The following SLC39A11 variants were observed in gnomAD, a reference collection of about 807,000 sequenced individuals.
SLC39A11 encodes solute carrier family 39 member 11, also known as zinc transporter ZIP11.
In SLC39A11, 33 loss-of-function variants were observed where a neutral mutation model predicts 36.1. The ratio of observed to expected loss-of-function variants is 0.91; its 90% CI spans 0.69 to 1.22. SLC39A11 has a LOEUF of 1.22. Ranked by LOEUF, SLC39A11 falls within the 50% of genes most tolerant of loss-of-function variation. SLC39A11 has a pLI of 0.00. For missense variants in SLC39A11, 432 were observed against 430.3 expected (o/e 1.00, Z -0.03); for synonymous variants, 166 against 170.3 (o/e 0.97, Z 0.20).
At chr17:73,032,724 T>G (rs755995541) in intron 3 of SLC39A11, among the ~76,000 whole-genome samples, 1 of 152,170 alleles carries the variant, frequency 6.6e-6, no homozygotes, top group Admixed American at 6.5e-5. Context: ...CTCTGAAATA[T>G]CTGAAGATAA....
chr17:72,770,753 T>C (rs1474249259), intron 6 of SLC39A11, among the ~76,000 whole-genome samples: 1 of 152,212 alleles, frequency 6.6e-6, no homozygotes, highest in African/African-American at 2.4e-5. Flanking sequence ...AACAAGCACA[T>C]TTAGAACCAG....
At chr17:73,000,736 G>GT (rs2089774625) in intron 4 of SLC39A11, among the ~76,000 whole-genome samples, 1 of 152,264 alleles carries the variant, frequency 6.6e-6, no homozygotes, top group Non-Finnish European at 1.5e-5. Flanking sequence ...GCCAACTGAA[G>GT]TTTTTTAAAA....
intron 5 of SLC39A11, among the ~76,000 whole-genome samples, chr17:72,867,457 G>T (rs552114613): frequency 1.3e-5 from 2 of 152,082 alleles, no homozygotes; most frequent in African/African-American, 4.8e-5. Context: ...CTGAGATCGC[G>T]CCACTGTACT....
At chr17:72,996,771 T>C (rs1215043207) in intron 4 of SLC39A11, among the ~76,000 whole-genome samples, 1 of 152,184 alleles carries the variant, frequency 6.6e-6, no homozygotes, top group Non-Finnish European at 1.5e-5. Flanking sequence ...ACATATATTT[T>C]GGGAGACACT....
intron 7 of SLC39A11, among the ~76,000 whole-genome samples, chr17:72,658,908 C>T (rs1426894841): frequency 5.3e-5 from 8 of 152,132 alleles, no homozygotes; most frequent in Admixed American, 3.9e-4. Flanking sequence ...TAAAACTGCC[C>T]GAGGCTGCTG....
At chr17:72,928,085 C>G (rs576476949) in intron 5 of SLC39A11, among the ~76,000 whole-genome samples, 1 of 152,264 alleles carries the variant, frequency 6.6e-6, no homozygotes, top group South Asian at 2.1e-4. Context: ...GATCCCAGGC[C>G]TAACGATTGG....
chr17:73,058,486 G>T (rs1171699824), intron 3 of SLC39A11, among the ~76,000 whole-genome samples: 1 of 152,100 alleles, frequency 6.6e-6, no homozygotes, highest in Non-Finnish European at 1.5e-5. Context: ...ACTTTTGCAG[G>T]CCCAGACGGG....
chr17:72,712,471 GT>G (rs145168658), intron 7 of SLC39A11, among the ~76,000 whole-genome samples: 8,547 of 152,270 alleles, frequency 0.056, 271 homozygotes, highest in African/African-American at 0.082. Context: ...AGTTAATAGA[GT>G]TTTTGTTTTT....
At chr17:73,061,709 G>A (rs7215727) in intron 3 of SLC39A11, among the ~76,000 whole-genome samples, 148,427 of 152,328 alleles carry the variant, frequency 0.97, 72,428 homozygotes, top group East Asian at 1. Flanking sequence ...TAAAAGTTCT[G>A]TGCAGGCTGG....
chr17:72,779,008 T>C (rs1468914210), intron 6 of SLC39A11, among the ~76,000 whole-genome samples: 1 of 152,210 alleles, frequency 6.6e-6, no homozygotes, highest in Non-Finnish European at 1.5e-5. Flanking sequence ...CAAGAGCTTT[T>C]ACCATCCTGC....
chr17:72,729,300 G>T (rs532888156), intron 7 of SLC39A11, among the ~76,000 whole-genome samples: 1 of 145,888 alleles, frequency 6.9e-6, no homozygotes, highest in Non-Finnish European at 1.5e-5. Context: ...GCAGTGGCAC[G>T]ATCACGGCTT....
At chr17:72,738,465 G>T (rs1230089790) in intron 6 of SLC39A11, among the ~76,000 whole-genome samples, 1 of 152,148 alleles carries the variant, frequency 6.6e-6, no homozygotes, top group Non-Finnish European at 1.5e-5. Context: ...CTTTCCTGTG[G>T]TACATGGGCT....
chr17:72,876,776 A>C (rs2080919703), intron 5 of SLC39A11, among the ~76,000 whole-genome samples: 1 of 152,214 alleles, frequency 6.6e-6, no homozygotes, highest in Admixed American at 6.5e-5. Flanking sequence ...GTTGAAGAGA[A>C]GGATTTGAGA....
rs186460387 is a variant in SLC39A11 at position 72,828,988 on chromosome 17, C to T, written c.601+20646G>A. On this transcript the variant is annotated intron_variant, in intron 6 of 9. Transcript: ENST00000255559. ...TGAAGACTGGCGTGAAAGCACATTT[C>T]TATTTTCAAAAGTTAGGTTTGGTAA... Among the ~76,000 whole-genome samples, 558 of 152,224 alleles carry T rather than the reference C, an allele frequency of 3.7e-3. 3 individuals carry two copies. Among genetic ancestry groups the T allele is most frequent in the Non-Finnish European group, 6.2e-3 (420 of 68,016 alleles).
intron 4 of SLC39A11, among the ~76,000 whole-genome samples, chr17:72,950,720 T>C (rs1263481303): frequency 6.6e-6 from 1 of 152,222 alleles, no homozygotes; most frequent in African/African-American, 2.4e-5. Context: ...TTAATACGCA[T>C]TAAGCTGCAA....
intron 4 of SLC39A11, among the ~76,000 whole-genome samples, chr17:72,950,555 G>T (rs977216323): frequency 2.0e-5 from 3 of 152,246 alleles, no homozygotes; most frequent in East Asian, 1.9e-4. Flanking sequence ...TGACATCCGA[G>T]GAATCACTGC....
intron 5 of SLC39A11, among the ~76,000 whole-genome samples, chr17:72,861,688 T>TATATATATATAA (rs1169877556): frequency 2.3e-5 from 2 of 88,800 alleles, no homozygotes; most frequent in African/African-American, 4.4e-5. Flanking sequence ...TATATATATA[T>TATATATATATAA]AAAATATATA....
chr17:72,967,819 C>T (rs1163462304), intron 4 of SLC39A11, among the ~76,000 whole-genome samples: 2 of 152,310 alleles, frequency 1.3e-5, no homozygotes, highest in East Asian at 3.9e-4. Flanking sequence ...TCATCACTGC[C>T]AGGACATGAG....
chr17:73,068,199 T>C (rs567086382), intron 3 of SLC39A11: 467 of 1,126,874 alleles, frequency 4.1e-4, no homozygotes, highest in South Asian at 1.5e-3. Context: ...GGCTCCAGAG[T>C]GGTTGTTTCT....
Sources: allele counts gnomAD v4.1 joint callset (sites outside exome capture counted in the v4.1 genomes callset), GRCh38; gene constraint gnomAD v4.1.1; transcripts MANE v1.5; gene names NCBI Gene and HGNC (gene_info 2026-07-23, HGNC 2026-07-21).